The following FGGY variants were observed in gnomAD, a reference collection of about 807,000 sequenced individuals.
FGGY encodes the protein FGGY carbohydrate kinase domain containing.
A neutral mutation model predicts 71.3 loss-of-function variants in FGGY; 72 were observed. The ratio of observed to expected loss-of-function variants is 1.01; its 90% CI spans 0.84 to 1.23. FGGY has a LOEUF of 1.23. Ranked by LOEUF, FGGY falls within the 50% of genes most tolerant of loss-of-function variation. The pLI is 0.00. For missense variants in FGGY, 668 were observed against 682.3 expected, an observed-to-expected ratio of 0.98 and a Z score of 0.23; for synonymous variants, 251 against 250.3, an observed-to-expected ratio of 1.00 and a Z score of -0.02.
chr1:59,336,046 T>C (rs1294235717), intron 2 of FGGY, among the ~76,000 whole-genome samples: 2 of 152,166 alleles, frequency 1.3e-5, no homozygotes, highest in African/African-American at 4.8e-5. Flanking sequence ...GCTTGCTTTT[T>C]ATAAAATCTT....
At chr1:59,756,872 G>T (rs911395448) in intron 14 of FGGY, among the ~76,000 whole-genome samples, 1 of 151,276 alleles carries the variant, frequency 6.6e-6, no homozygotes. Context: ...ATACCCAGGG[G>T]CTCTCATATT....
chr1:59,736,253 G>A (rs1320560054), intron 14 of FGGY, among the ~76,000 whole-genome samples: 1 of 152,116 alleles, frequency 6.6e-6, no homozygotes, highest in East Asian at 1.9e-4. Context: ...TTTGGGATAT[G>A]TCTTTATCAG....
chr1:59,488,134 A>G (rs1465386403), intron 6 of FGGY, among the ~76,000 whole-genome samples: 2 of 152,138 alleles, frequency 1.3e-5, no homozygotes, highest in Non-Finnish European at 2.9e-5. Context: ...TTAGAAGCAT[A>G]ATTTTAATAA....
intron 11 of FGGY, among the ~76,000 whole-genome samples, chr1:59,643,331 C>A (rs2097057021): frequency 6.6e-6 from 1 of 152,092 alleles, no homozygotes; most frequent in African/African-American, 2.4e-5. Flanking sequence ...TAAGACTACA[C>A]AGGCACATGT....
chr1:59,546,596 C>G (rs887291257), intron 7 of FGGY, among the ~76,000 whole-genome samples: 3 of 151,920 alleles, frequency 2.0e-5, no homozygotes, highest in African/African-American at 7.3e-5. Flanking sequence ...ATGGCGCGAT[C>G]TCGGCTCACT....
At chr1:59,490,551 T>G (rs530607585) in intron 6 of FGGY, among the ~76,000 whole-genome samples, 40 of 152,326 alleles carry the variant, frequency 2.6e-4, no homozygotes, top group Non-Finnish European at 4.1e-4. Context: ...ATTTTTTCTT[T>G]TGTTGCCTGT....
At chr1:59,681,682 A>G (rs541774841) in intron 14 of FGGY, among the ~76,000 whole-genome samples, 1 of 152,290 alleles carries the variant, frequency 6.6e-6, no homozygotes, top group East Asian at 1.9e-4. Flanking sequence ...ATGAATAGCA[A>G]TGAAATCCAT....
intron 6 of FGGY, among the ~76,000 whole-genome samples, chr1:59,481,885 G>A (rs952719773): frequency 6.6e-6 from 1 of 152,162 alleles, no homozygotes; most frequent in African/African-American, 2.4e-5. Context: ...ATGGGAATGT[G>A]TATGTATTTG....
intron 1 of FGGY, among the ~76,000 whole-genome samples, chr1:59,300,980 A>G (rs926100209): frequency 1.3e-5 from 2 of 152,232 alleles, no homozygotes; most frequent in African/African-American, 4.8e-5. Context: ...TGAATTTTAT[A>G]ATCACTTTGT....
intron 6 of FGGY, among the ~76,000 whole-genome samples, chr1:59,464,694 C>T (rs1281777960): frequency 6.6e-6 from 1 of 152,016 alleles, no homozygotes; most frequent in Non-Finnish European, 1.5e-5. Context: ...GAGATATCAC[C>T]ACCAATCCCA....
intron 6 of FGGY, among the ~76,000 whole-genome samples, chr1:59,497,586 TCAAA>T (rs1302005853): frequency 6.6e-6 from 1 of 152,160 alleles, no homozygotes; most frequent in Non-Finnish European, 1.5e-5. Context: ...AGACTCCGTC[TCAAA>T]CAAACAAAGA....
chr1:59,458,407 T>C (rs1409946917), intron 6 of FGGY, among the ~76,000 whole-genome samples: 1 of 152,122 alleles, frequency 6.6e-6, no homozygotes, highest in Non-Finnish European at 1.5e-5. Context: ...TGCTTGGTAC[T>C]AGGAGGTTGG....
chr1:59,462,297 A>C (rs930694082), intron 6 of FGGY, among the ~76,000 whole-genome samples: 12 of 152,226 alleles, frequency 7.9e-5, no homozygotes, highest in Non-Finnish European at 1.6e-4. Flanking sequence ...CACCTTATAC[A>C]AAAGTTAATT....
intron 6 of FGGY, among the ~76,000 whole-genome samples, chr1:59,510,819 T>C (rs1049470746): frequency 1.2e-4 from 18 of 152,382 alleles, no homozygotes; most frequent in Middle Eastern, 3.4e-3. Context: ...ATTCAGACGC[T>C]AGATTTTTGT....
intron 12 of FGGY, among the ~76,000 whole-genome samples, chr1:59,664,422 C>A (rs905099957): frequency 6.6e-6 from 1 of 152,198 alleles, no homozygotes. Context: ...CAGCCCCTCT[C>A]GAGGGAGTGC....
intron 4 of FGGY, among the ~76,000 whole-genome samples, chr1:59,359,433 C>T (rs2054973614): frequency 6.6e-6 from 1 of 152,132 alleles, no homozygotes; most frequent in African/African-American, 2.4e-5. Flanking sequence ...AAACTCTGAC[C>T]CAGGGCCTCT....
chr1:59,634,176 A>G (rs560786863), intron 10 of FGGY, among the ~76,000 whole-genome samples: 2 of 152,184 alleles, frequency 1.3e-5, no homozygotes, highest in East Asian at 3.9e-4. Flanking sequence ...AGAGGCTGAG[A>G]CGGGCGGATC....
At chr1:59,492,302 T>C (rs1388830667) in intron 6 of FGGY, among the ~76,000 whole-genome samples, 1 of 152,156 alleles carries the variant, frequency 6.6e-6, no homozygotes, top group Non-Finnish European at 1.5e-5. Context: ...GATAAGGTGA[T>C]CCTTGGCTGT....
At chr1:59,422,359 G>T (rs536597490) in intron 5 of FGGY, among the ~76,000 whole-genome samples, 1 of 152,138 alleles carries the variant, frequency 6.6e-6, no homozygotes, top group Non-Finnish European at 1.5e-5. Context: ...AAAAATGGAT[G>T]TGTCAAGTTT....
Sources: gnomAD v4.1 joint callset for allele counts (sites outside exome capture counted in the v4.1 genomes callset) on GRCh38, gnomAD v4.1.1 for gene constraint, MANE v1.5 for transcripts, NCBI Gene and HGNC (gene_info 2026-07-23, HGNC 2026-07-21) for gene names.